ABAT: variants seen among roughly 807,000 people sequenced by gnomAD.
ABAT encodes the protein 4-aminobutyrate aminotransferase.
A neutral mutation model predicts 64.6 loss-of-function variants in ABAT; 45 were observed. The observed-to-expected ratio is 0.70, with a 90% CI of 0.55 to 0.89. The LOEUF is 0.89. Ranked by LOEUF, ABAT falls within the 40% of genes least tolerant of loss-of-function variation. The pLI is 0.00. For missense variants in ABAT, 633 were observed against 658.4 expected (o/e 0.96, Z 0.42); for synonymous variants, 297 against 250.5 (o/e 1.19, Z -1.75).
At chr16:8,772,707 C>T (rs2060148502) in intron 11 of ABAT, 73 bp from the exon 12 acceptor site, 1 of 1,602,156 alleles carries the variant, frequency 6.2e-7, no homozygotes, top group South Asian at 1.1e-5. Context: ...GCTCATCGAA[C>T]CCCAGATTCC....
At chr16:8,692,531 T>C (rs931634038) in intron 1 of ABAT, among the ~76,000 whole-genome samples, 9 of 152,160 alleles carry the variant, frequency 5.9e-5, no homozygotes, top group Non-Finnish European at 1.2e-4. Flanking sequence ...GACTCATACC[T>C]TTTTTGCTAG....
intron 1 of ABAT, among the ~76,000 whole-genome samples, chr16:8,729,737 G>A (rs932876515): frequency 6.6e-6 from 1 of 151,068 alleles, no homozygotes; most frequent in Non-Finnish European, 1.5e-5. Context: ...TAAGGTGGGA[G>A]GATCTCTTGA....
Position 8,750,488 on chromosome 16 carries a change from G to T in ABAT, c.265G>T (p.Asp89Tyr), listed in dbSNP as rs1386758256. 1 of 1,614,182 alleles carries T rather than the reference G, an allele frequency of 6.2e-7. No individual in the cohort carries two copies. The highest frequency in any genetic ancestry group is 8.5e-7 in the Non-Finnish European group (1 of 1,180,018). ...ESRGNYLVDV[D>Y]GNRMLDLYSQ... ...CCGAGGCAATTACCTGGTTGATGTG[G>T]ACGGCAACCGAATGCTGGATCTTTA... Residue 89 changes from aspartate (D) to tyrosine (Y), a missense_variant, in exon 5 of 16, where the codon GAC becomes TAC. Transcript: ENST00000268251.
At chr16:8,697,033 G>C (rs368190576) in intron 1 of ABAT, among the ~76,000 whole-genome samples, 1 of 152,174 alleles carries the variant, frequency 6.6e-6, no homozygotes, top group Non-Finnish European at 1.5e-5. Context: ...CTGGCGGAGA[G>C]GGACCGATGA....
At chr16:8,743,819 G>A (rs2059251871) in intron 2 of ABAT, among the ~76,000 whole-genome samples, 1 of 151,692 alleles carries the variant, frequency 6.6e-6, no homozygotes, top group South Asian at 2.1e-4. Context: ...GTACAATTAT[G>A]GCAACCCCAG....
At chr16:8,743,420 C>T (rs1019501691) in intron 2 of ABAT, among the ~76,000 whole-genome samples, 3 of 31,986 alleles carry the variant, frequency 9.4e-5, no homozygotes, top group East Asian at 1.6e-3. Flanking sequence ...GTAATGGAAA[C>T]AGTTATATAT....
At chr16:8,746,235 CT>C in intron 3 of ABAT, 137 bp downstream of exon 3, 1 of 742,486 alleles carries the variant, frequency 1.3e-6, no homozygotes, top group Non-Finnish European at 2.3e-6. Flanking sequence ...ATCTGAGATA[CT>C]CAATGAGGCC....
intron 1 of ABAT, among the ~76,000 whole-genome samples, chr16:8,692,458 G>A (rs548268890): frequency 6.6e-6 from 1 of 152,276 alleles, no homozygotes; most frequent in Non-Finnish European, 1.5e-5. Flanking sequence ...CTAAGAAGGA[G>A]GCAGTTGAGC....
intron 2 of ABAT, among the ~76,000 whole-genome samples, chr16:8,743,357 G>A (rs995377275): frequency 1.2e-4 from 17 of 138,484 alleles, no homozygotes; most frequent in Admixed American, 7.5e-4. Flanking sequence ...TGTGTGTCAC[G>A]GGAGATCTTG....
At chr16:8,749,370 A>C (rs1309547527) in intron 4 of ABAT, among the ~76,000 whole-genome samples, 2 of 116,594 alleles carry the variant, frequency 1.7e-5, no homozygotes, top group Non-Finnish European at 3.4e-5. Flanking sequence ...TACAGGCGTG[A>C]GCCACCGCAC....
rs777322178 is a variant in ABAT at position 8,764,865 on chromosome 16, AGGCTCCCCAG to A, written c.540+36_540+45del. ...GGGGCACACACACACACACACACAC[AGGCTCCCCAG>A]CACCCAGCCACACGCTCACCCCTTG... On this transcript the variant is annotated intron_variant, in intron 8 of 15. Coordinates refer to ENST00000268251, the MANE Select transcript of ABAT (RefSeq NM_020686.6). The surrounding 1 kb of genome is among the most constrained non-coding windows in gnomAD (Gnocchi z 4.2). 11 of 1,523,566 alleles carry A rather than the reference AGGCTCCCCAG, an allele frequency of 7.2e-6. No homozygotes were observed. Among genetic ancestry groups the A allele is most frequent in the Non-Finnish European group, 8.2e-6 (9 of 1,099,388 alleles). 94.4% of individuals were successfully genotyped at this position (1,523,566 alleles called of 1,614,324 possible).
chr16:8,738,581 T>A, intron 2 of ABAT: 1 of 391,486 alleles, frequency 2.6e-6, no homozygotes, highest in South Asian at 1.9e-5. Flanking sequence ...TTTTGAGGTT[T>A]TGCTTTTCCT....
At chr16:8,702,651 C>G (rs1216928954) in intron 1 of ABAT, among the ~76,000 whole-genome samples, 1 of 152,162 alleles carries the variant, frequency 6.6e-6, no homozygotes, top group Non-Finnish European at 1.5e-5. Flanking sequence ...CCCCCATGAT[C>G]CAGTCCCCTC....
intron 1 of ABAT, among the ~76,000 whole-genome samples, chr16:8,726,286 A>C (rs1596424920): frequency 1.1e-5 from 1 of 93,356 alleles, no homozygotes; most frequent in South Asian, 3.2e-4. Context: ...TTTGAGATGG[A>C]GTCTCGATCT....
intron 1 of ABAT, chr16:8,722,895 C>G (rs2058414505): frequency 1.6e-6 from 2 of 1,282,102 alleles, no homozygotes; most frequent in Non-Finnish European, 2.0e-6. Flanking sequence ...TAATATGGAA[C>G]TCTTAGCACG....
chr16:8,720,416 G>C (rs1183129343), intron 1 of ABAT, among the ~76,000 whole-genome samples: 1 of 152,246 alleles, frequency 6.6e-6, no homozygotes, highest in Admixed American at 6.5e-5. Context: ...TCCAAGAACA[G>C]TATTTCTGTC....
At chr16:8,775,858 T>TA (rs1387243355) in intron 13 of ABAT, among the ~76,000 whole-genome samples, 6 of 152,212 alleles carry the variant, frequency 3.9e-5, no homozygotes, top group African/African-American at 1.4e-4. Flanking sequence ...GTGTTTCAGT[T>TA]AGCCGCATGG....
Position 8,776,696 on chromosome 16 carries a change from C to G in ABAT, c.1269+206C>G, listed in dbSNP as rs1297367255. On this transcript the variant is annotated intron_variant, in intron 14 of 15. Transcript: ENST00000268251. This position sits in a 1 kb window ranked among gnomAD's most constrained non-coding sequence, Gnocchi z 4.4. Reference sequence around the variant, plus strand: ...CTATCCCTCCATCCCATTCCAACCCCTATTCCTGAACTCCTGGTTTTCTTT... The same window carrying G: ...CTATCCCTCCATCCCATTCCAACCCGTATTCCTGAACTCCTGGTTTTCTTT... Among the ~76,000 whole-genome samples the G allele has an allele frequency of 2.0e-5, 3 of 152,184 alleles. No homozygotes were observed. Among genetic ancestry groups the G allele is most frequent in the African/African-American group, 7.2e-5 (3 of 41,448 alleles).
chr16:8,773,762 A>G (rs938870422), intron 12 of ABAT, among the ~76,000 whole-genome samples: 1 of 152,126 alleles, frequency 6.6e-6, no homozygotes, highest in African/African-American at 2.4e-5. Context: ...ATTTCTTCAT[A>G]AGGGAAGTGT....
Sources: allele counts gnomAD v4.1 joint callset (sites outside exome capture counted in the v4.1 genomes callset), GRCh38; gene constraint gnomAD v4.1.1; non-coding constraint Gnocchi (gnomAD v3.1); transcripts MANE v1.5; gene names NCBI Gene and HGNC (gene_info 2026-07-23, HGNC 2026-07-21).